SNED1: variants seen among roughly 807,000 people sequenced by gnomAD.
SNED1 encodes sushi, nidogen and EGF-like domain-containing protein 1.
SNED1 carries 81 observed loss-of-function variants against 166.7 expected under a neutral mutation model. The observed-to-expected ratio is 0.49, with a 90% confidence interval of 0.41 to 0.58. The LOEUF (loss-of-function observed/expected upper bound fraction) is 0.58, where lower values mean the gene tolerates loss of function less well. Among genes scored for constraint, SNED1 ranks in the 20% least tolerant of loss-of-function variants. The pLI, the probability that SNED1 is intolerant of heterozygous loss-of-function variation, is 0.00. For missense variants in SNED1, 1,604 were observed against 2,000.2 expected (o/e 0.80, Z 3.78); for synonymous variants, 762 against 822.0 (o/e 0.93, Z 1.25).
chr2:241,083,297 G>A (rs1255233591), intron 29 of SNED1, among the ~76,000 whole-genome samples: 1 of 152,144 alleles, frequency 6.6e-6, no homozygotes, highest in Non-Finnish European at 1.5e-5. Context: ...TGGCATGTTG[G>A]GGGAGAAGTG....
chr2:241,037,626 G>C (rs1390814329), intron 6 of SNED1, among the ~76,000 whole-genome samples: 1 of 152,220 alleles, frequency 6.6e-6, no homozygotes, highest in Non-Finnish European at 1.5e-5. Flanking sequence ...CCAGTGCCCA[G>C]GTCCCAAACC....
At position 240,999,457 on chromosome 2, in the gene SNED1, G is replaced by A. The variant is rs1336670006; in HGVS notation, c.213+407G>A. 1.3e-5 allele frequency among the ~76,000 whole-genome samples: 2 copies of A among 152,218 alleles called. No homozygotes were observed. The highest frequency in any genetic ancestry group is 4.8e-5 in the African/African-American group (2 of 41,454). On this transcript the variant is annotated intron_variant, in intron 1 of 31. Coordinates refer to ENST00000310397, the MANE Select transcript of SNED1 (RefSeq NM_001080437.3). This position sits in a 1 kb window ranked among gnomAD's most constrained non-coding sequence, Gnocchi z 5.8. ...CCAAGTGGGGCGCCGGGCCTGCGAA[G>A]GTTGCAGCCCCTCCTTGGGCCATTT...
At chr2:241,058,500 C>A (rs1214938907) in intron 16 of SNED1, among the ~76,000 whole-genome samples, 1 of 152,072 alleles carries the variant, frequency 6.6e-6, no homozygotes, top group African/African-American at 2.4e-5. Flanking sequence ...AAAATTAGTT[C>A]TTTGAAAAGC....
At chr2:241,087,550 T>A in intron 30 of SNED1, 75 bp downstream of exon 30, 1 of 1,525,590 alleles carries the variant, frequency 6.6e-7, no homozygotes. Context: ...CGGGGTGCTA[T>A]GGGATGCTGC....
In SNED1 at chr2:241,030,566, T is replaced by G. The variant is rs747409839; in HGVS notation, c.496T>G (p.Ser166Ala). Residue 166 changes from serine to alanine, a missense_variant, in exon 2 of 32, where the codon TCC becomes GCC. Ser to Ala is a moderately conservative substitution (Grantham distance 99, BLOSUM62 1). Around this residue, in one of 2 missense-constraint regions of SNED1, gnomAD observed 1,237 missense variants for 1,620.8 expected, o/e 0.76. Transcript: ENST00000310397. Reference sequence around the variant, plus strand: ...GACCTTCTTTGGAGGCAGTTCCTCATCCCCTGTGAGTCCAGGCACTTGTCC... The same window carrying G: ...GACCTTCTTTGGAGGCAGTTCCTCAGCCCCTGTGAGTCCAGGCACTTGTCC... ...RVTFFGGSSS[S>A]PVNTFQTVLI... The G allele has an allele frequency of 6.2e-7, 1 of 1,613,528 alleles. No individual in the cohort carries two copies. The highest frequency in any genetic ancestry group is 1.1e-5 in the South Asian group (1 of 91,062).
At chr2:241,037,489 T>C (rs2061410859) in intron 6 of SNED1, 136 bp downstream of exon 6, 3 of 643,184 alleles carry the variant, frequency 4.7e-6, no homozygotes, top group Non-Finnish European at 8.1e-6. Flanking sequence ...GAAGCCACCC[T>C]CGAGGAGTGG....
At chr2:241,026,229 G>A (rs1277731172) in intron 1 of SNED1, among the ~76,000 whole-genome samples, 1 of 151,990 alleles carries the variant, frequency 6.6e-6, no homozygotes, top group Non-Finnish European at 1.5e-5. Context: ...TGTTGGTCAG[G>A]CTTGTCTCGA....
At chr2:241,038,339 C>T (rs2061433439) in intron 6 of SNED1, among the ~76,000 whole-genome samples, 1 of 152,138 alleles carries the variant, frequency 6.6e-6, no homozygotes, top group African/African-American at 2.4e-5. Context: ...AAAGTACTTC[C>T]TTCCTGTGTT....
chr2:241,040,209 T>C lies in SNED1; in HGVS notation c.1159+21T>C, dbSNP rs372535552. The C allele has an allele frequency of 7.2e-5, 113 of 1,578,186 alleles. No homozygotes were observed. The African/African-American group carries it at 1.4e-3, about 19-fold the overall frequency. On this transcript the variant is annotated intron_variant, in intron 7 of 31. Coordinates refer to ENST00000310397, the MANE Select transcript of SNED1 (RefSeq NM_001080437.3). ...GATGGGTGAGTGGCCTGGCTTCGGA[T>C]TGGAGAGGGGCTCCTGCCCGTGGCC...
rs759492023 is a variant in SNED1, at chr2:241,068,862, C to T, written c.3195-49C>T. On this transcript the variant is annotated intron_variant, in intron 22 of 31. Coordinates refer to ENST00000310397, the MANE Select transcript of SNED1 (RefSeq NM_001080437.3). The surrounding 1 kb of genome is among the most constrained non-coding windows in gnomAD (Gnocchi z 5.3). Reference sequence around the variant, plus strand: ...GCTGCGGTCTGGCAGCAGAGTCACACACAGGTCCCAGACATCCCTGTTCTC... The same window carrying T: ...GCTGCGGTCTGGCAGCAGAGTCACATACAGGTCCCAGACATCCCTGTTCTC... The T allele has an allele frequency of 1.3e-5, 17 of 1,326,300 alleles. No homozygotes were observed. Among genetic ancestry groups the T allele is most frequent in the South Asian group, 1.3e-5 (1 of 75,434 alleles). The allele number at this position is 1,326,300 out of a possible 1,614,324, so 82.2% of individuals were successfully genotyped here.
At chr2:241,090,665 G>A (rs754358254) in intron 31 of SNED1, among the ~76,000 whole-genome samples, 2 of 152,072 alleles carry the variant, frequency 1.3e-5, no homozygotes, top group Non-Finnish European at 2.9e-5. Flanking sequence ...CCAGGAGTTC[G>A]AGACCAGCCT....
chr2:241,064,727 C>A lies in SNED1; in HGVS notation c.2600-117C>A. The A allele has an allele frequency of 1.5e-6, 1 of 683,794 alleles. No individual in the cohort carries two copies. Among genetic ancestry groups the A allele is most frequent in the Non-Finnish European group, 2.4e-6 (1 of 416,596 alleles). 42.4% of individuals were successfully genotyped at this position (683,794 alleles called of 1,614,324 possible). On this transcript the variant is annotated intron_variant, in intron 19 of 31. Coordinates refer to ENST00000310397, the MANE Select transcript of SNED1 (RefSeq NM_001080437.3). The surrounding 1 kb of genome is among the most constrained non-coding windows in gnomAD (Gnocchi z 7.0). ...GAAGGGAGGCAGTAGCTGTCCTGTG[C>A]CCCCCGCCCCTCCACACCCACGCAG...
At chr2:241,063,731 C>A in intron 18 of SNED1, 31 bp downstream of exon 18, 1 of 1,429,886 alleles carries the variant, frequency 7.0e-7, no homozygotes, top group Non-Finnish European at 9.7e-7. Flanking sequence ...GCCCCACATG[C>A]AGAGCCTGGG....
At chr2:241,058,803 A>G (rs1313517585) in intron 16 of SNED1, among the ~76,000 whole-genome samples, 1 of 152,148 alleles carries the variant, frequency 6.6e-6, no homozygotes, top group Admixed American at 6.6e-5. Flanking sequence ...ACAAAAAATT[A>G]GCTGGGCGAG....
In SNED1 at chr2:241,034,584, G is replaced by C; in HGVS notation, c.659G>C (p.Gly220Ala). 6.2e-7 allele frequency: 1 copy of C among 1,604,724 alleles called. No individual in the cohort carries two copies. Among genetic ancestry groups the C allele is most frequent in the Non-Finnish European group, 8.5e-7 (1 of 1,174,560 alleles). ...GIAAQAGFNA[G>A]DGQRYFSIPG... ...CACCCCCAGGCTGGCTTCAACGCAG[G>C]CGATGGGCAGCGTTACTTCAGTATC... Residue 220 changes from glycine to alanine, a missense_variant, in exon 4 of 32, where the codon GGC becomes GCC. Gly to Ala is a moderately conservative substitution (Grantham distance 60). This residue lies in a region of SNED1 where 1,237 missense variants were observed against 1,620.8 expected (regional missense o/e 0.76). Transcript: ENST00000310397.
chr2:241,040,439 A>C, intron 8 of SNED1, 26 bp downstream of exon 8: 1 of 1,451,776 alleles, frequency 6.9e-7, no homozygotes, highest in East Asian at 2.4e-5. Flanking sequence ...CCTGCAGGCC[A>C]CCATGGCTGA....
chr2:241,039,477 A>G (rs1044104585), intron 6 of SNED1, among the ~76,000 whole-genome samples: 1 of 152,064 alleles, frequency 6.6e-6, no homozygotes, highest in Admixed American at 6.5e-5. Flanking sequence ...GGCAAAGGAG[A>G]GACCTGGGAT....
In SNED1 at chr2:241,091,024, A is replaced by G. The variant is rs966302619; in HGVS notation, c.*2-614A>G. On this transcript the variant is annotated intron_variant, in intron 31 of 31. Transcript: ENST00000310397. The surrounding 1 kb of genome is among the most constrained non-coding windows in gnomAD (Gnocchi z 4.1). ...TCCACAAACATAATTTGGGTTTGAG[A>G]TATTTATACGGTGGTAAGTCACCTG... is the stretch of plus-strand genomic sequence containing the variant. Among the ~76,000 whole-genome samples, 10 of 152,172 alleles carry G rather than the reference A, an allele frequency of 6.6e-5. No individual in the cohort carries two copies. Among genetic ancestry groups the G allele is most frequent in the Non-Finnish European group, 1.3e-4 (9 of 68,032 alleles).
intron 15 of SNED1, 68 bp downstream of exon 15, chr2:241,052,536 G>A: frequency 3.3e-6 from 4 of 1,225,376 alleles, no homozygotes; most frequent in Non-Finnish European, 4.7e-6. Context: ...GATGGCCAGG[G>A]CCCAAGCAGG....
Sources: allele counts gnomAD v4.1 joint callset (sites outside exome capture counted in the v4.1 genomes callset), GRCh38; gene constraint gnomAD v4.1.1; regional missense constraint gnomAD v4.1.1; non-coding constraint Gnocchi (gnomAD v3.1); transcripts MANE v1.5; gene names NCBI Gene and HGNC (gene_info 2026-07-23, HGNC 2026-07-21).